Variants in TULP4 observed in about 807,000 individuals in gnomAD.
The protein encoded by TULP4 is tubby-related protein 4.
Under a neutral mutation model 129.0 loss-of-function variants are expected in TULP4, and 16 were observed. The ratio of observed to expected loss-of-function variants is 0.12; its 90% CI spans 0.08 to 0.19. The LOEUF is 0.19. Ranked by LOEUF, TULP4 falls within the 10% of genes least tolerant of loss-of-function variation. The probability of loss-of-function intolerance (pLI) is 1.00; values close to 1 mark genes in which losing one functional copy is unlikely to be tolerated. For missense variants in TULP4, 1,842 were observed against 2,059.1 expected (o/e 0.89, Z 2.04); for synonymous variants, 998 against 854.0 (o/e 1.17, Z -2.94).
intron 5 of TULP4, among the ~76,000 whole-genome samples, chr6:158,460,634 C>T (rs531042871): frequency 6.6e-6 from 1 of 152,332 alleles, no homozygotes; most frequent in East Asian, 1.9e-4. Flanking sequence ...AAAAAACTGT[C>T]TCCCAGCAGG....
intron 1 of TULP4, among the ~76,000 whole-genome samples, chr6:158,348,027 G>A (rs1460606619): frequency 6.6e-6 from 1 of 151,478 alleles, no homozygotes; most frequent in Non-Finnish European, 1.5e-5. Flanking sequence ...ATGTTTTAGA[G>A]AAAATACTTA....
intron 1 of TULP4, among the ~76,000 whole-genome samples, chr6:158,365,577 C>T (rs1005148760): frequency 1.7e-4 from 25 of 148,736 alleles, no homozygotes; most frequent in African/African-American, 2.5e-4. Context: ...CGCAGGTTCA[C>T]GCCATTCTCC....
intron 1 of TULP4, among the ~76,000 whole-genome samples, chr6:158,406,847 G>A (rs2114994139): frequency 6.6e-6 from 1 of 152,308 alleles, no homozygotes; most frequent in East Asian, 1.9e-4. Context: ...AATACAGGAA[G>A]GAATGTGTAA....
intron 3 of TULP4, among the ~76,000 whole-genome samples, chr6:158,443,858 A>G (rs1294709647): frequency 2.6e-5 from 4 of 152,192 alleles, no homozygotes; most frequent in African/African-American, 7.2e-5. Flanking sequence ...ATTTAGTTGC[A>G]AAATATTCAA....
Position 158,241,155 on chromosome 6 carries a change from C to G in TULP4, n.68+8852C>G, listed in dbSNP as rs530412063. ...CCCCACATCTCAGACGATGGGCGGC[C>G]GGGCAGAGACGCTCCTCACTTCCTA... is the stretch of plus-strand genomic sequence containing the variant. On this transcript the variant is annotated intron_variant and non_coding_transcript_variant, in intron 1 of 1. Transcript: ENST00000620026. Among the ~76,000 whole-genome samples the G allele has an allele frequency of 1.9e-3, 252 of 134,502 alleles. 1 individual carries two copies. Among genetic ancestry groups the G allele is most frequent in the Admixed American group, 3.8e-3 (49 of 12,784 alleles). 88.2% of individuals were successfully genotyped at this position (134,502 alleles called of 152,430 possible).
chr6:158,402,028 T>G (rs2114981387), intron 1 of TULP4, among the ~76,000 whole-genome samples: 1 of 152,334 alleles, frequency 6.6e-6, no homozygotes, highest in East Asian at 1.9e-4. Context: ...GTGTATATTT[T>G]TCTGTATGCA....
At chr6:158,361,868 AG>A (rs1452332039) in intron 1 of TULP4, among the ~76,000 whole-genome samples, 1 of 152,182 alleles carries the variant, frequency 6.6e-6, no homozygotes, top group Non-Finnish European at 1.5e-5. Context: ...TCTGGGTTTT[AG>A]AGGTTAGCTT....
chr6:158,485,856 G>A (rs1000575895), intron 8 of TULP4, among the ~76,000 whole-genome samples: 4 of 152,188 alleles, frequency 2.6e-5, no homozygotes, highest in African/African-American at 9.7e-5. Flanking sequence ...TTTGGAATGG[G>A]AATGTCTATT....
rs1562516556 is a variant in TULP4, at chr6:158,314,104, G to A, written c.88G>A (p.Glu30Lys). The A allele has an allele frequency of 6.2e-7, 1 of 1,614,214 alleles. No individual in the cohort carries two copies. Among genetic ancestry groups the A allele is most frequent in the Non-Finnish European group, 8.5e-7 (1 of 1,180,036 alleles). Residue 30 changes from glutamate (E) to lysine (K), a missense_variant, in exon 1 of 14, where the codon GAG (glutamate) becomes AAG (lysine). Physicochemically the swap from Glu to Lys is moderately conservative, Grantham distance 56. Transcript: ENST00000367097. Reference protein sequence around the residue: ...LSWKGRVPKSEKEKPVCRRRY... With the variant: ...LSWKGRVPKSKKEKPVCRRRY... ...CTGGAAGGGGCGTGTCCCCAAGAGT[G>A]AGAAGGAGAAGCCTGTGTGCAGGAG...
intron 1 of TULP4, among the ~76,000 whole-genome samples, chr6:158,375,374 A>G (rs113264035): frequency 6.6e-6 from 1 of 152,190 alleles, no homozygotes; most frequent in Admixed American, 6.5e-5. Flanking sequence ...GCATATTAAC[A>G]TTTGCCACTG....
chr6:158,329,895 G>C (rs1184660213), intron 1 of TULP4, among the ~76,000 whole-genome samples: 1 of 152,004 alleles, frequency 6.6e-6, no homozygotes, highest in East Asian at 1.9e-4. Flanking sequence ...TTTTCCCCTA[G>C]TAATGAAACA....
At chr6:158,245,902 G>A (rs369672366) in intron 1 of TULP4, among the ~76,000 whole-genome samples, 120 of 152,286 alleles carry the variant, frequency 7.9e-4, no homozygotes, top group African/African-American at 2.8e-3. Flanking sequence ...CCTAATAGAT[G>A]TTTGTTTAGG....
intron 1 of TULP4, among the ~76,000 whole-genome samples, chr6:158,331,239 C>T (rs1186409350): frequency 2.6e-5 from 4 of 152,088 alleles, no homozygotes; most frequent in Admixed American, 6.6e-5. Context: ...GTTGCAAAAA[C>T]GGTGATTTTC....
intron 1 of TULP4, among the ~76,000 whole-genome samples, chr6:158,375,806 G>A (rs1777173067): frequency 1.3e-5 from 2 of 152,220 alleles, no homozygotes; most frequent in South Asian, 4.1e-4. Context: ...GGATCCCCAT[G>A]AACAAGAACC....
intron 1 of TULP4, among the ~76,000 whole-genome samples, chr6:158,321,071 T>G (rs2128486759): frequency 6.6e-6 from 1 of 152,296 alleles, no homozygotes; most frequent in South Asian, 2.1e-4. Flanking sequence ...TTTCTTTAAC[T>G]TTTTGGCCCA....
intron 3 of TULP4, among the ~76,000 whole-genome samples, chr6:158,431,504 A>G (rs1253835204): frequency 2.0e-5 from 3 of 152,176 alleles, no homozygotes; most frequent in Non-Finnish European, 4.4e-5. Context: ...CCCACTGGGG[A>G]TACAGCAGTG....
At chr6:158,365,888 T>TC (rs1562536820) in intron 1 of TULP4, among the ~76,000 whole-genome samples, 1 of 132,820 alleles carries the variant, frequency 7.5e-6, no homozygotes, top group Non-Finnish European at 1.6e-5. Context: ...TTTTTTTTTT[T>TC]CTTTTTCTTT....
chr6:158,329,304 C>T (rs933437147), intron 1 of TULP4, among the ~76,000 whole-genome samples: 3 of 151,876 alleles, frequency 2.0e-5, no homozygotes, highest in Admixed American at 1.3e-4. Context: ...CTTTATCCTC[C>T]TAGTCAAGCT....
At chr6:158,439,661 A>G (rs1778838771) in intron 3 of TULP4, among the ~76,000 whole-genome samples, 5 of 146,532 alleles carry the variant, frequency 3.4e-5, no homozygotes, top group African/African-American at 1.3e-4. Flanking sequence ...AGAAAAGAAC[A>G]TGGTAATCTC....
Sources: allele counts gnomAD v4.1 joint callset (sites outside exome capture counted in the v4.1 genomes callset), GRCh38; gene constraint gnomAD v4.1.1; transcripts MANE v1.5; gene names NCBI Gene and HGNC (gene_info 2026-07-23, HGNC 2026-07-21).